Variants in TMEM132D observed in about 807,000 individuals in gnomAD.
The protein encoded by TMEM132D is transmembrane protein 132D.
In TMEM132D, 21 loss-of-function variants were observed where a neutral mutation model predicts 62.3. The observed-to-expected ratio is 0.34, with a 90% CI of 0.24 to 0.49. The LOEUF is 0.49. Among genes scored for constraint, TMEM132D ranks in the 20% least tolerant of loss-of-function variants. The probability of loss-of-function intolerance (pLI) is 0.99; values close to 1 mark genes in which losing one functional copy is unlikely to be tolerated. For synonymous variants in TMEM132D, 621 were observed against 575.6 expected, an observed-to-expected ratio of 1.08 and a Z score of -1.13; for missense variants, 1,346 against 1,402.8, an observed-to-expected ratio of 0.96 and a Z score of 0.65.
chr12:129,161,862 G>A (rs1214631534), intron 5 of TMEM132D, among the ~76,000 whole-genome samples: 2 of 152,276 alleles, frequency 1.3e-5, no homozygotes, highest in African/African-American at 4.8e-5. Flanking sequence ...CTTTGTTGCT[G>A]GGGAGGAGGC....
At chr12:129,608,647 A>T (rs1176194507) in intron 2 of TMEM132D, among the ~76,000 whole-genome samples, 4 of 152,246 alleles carry the variant, frequency 2.6e-5, no homozygotes, top group African/African-American at 9.6e-5. Flanking sequence ...CATATTCCGT[A>T]GAAAAGCAGG....
chr12:129,099,661 G>A (rs944546889), intron 5 of TMEM132D, among the ~76,000 whole-genome samples: 4 of 152,132 alleles, frequency 2.6e-5, no homozygotes, highest in African/African-American at 9.7e-5. Context: ...GCAGTCTGCA[G>A]GAAAATGAAG....
In TMEM132D at chr12:129,903,119, G is replaced by T; in HGVS notation, c.79+142C>A. 1 of 896,682 alleles carries T rather than the reference G, an allele frequency of 1.1e-6. No individual in the cohort carries two copies. Among genetic ancestry groups the T allele is most frequent in the Non-Finnish European group, 1.7e-6 (1 of 585,666 alleles). 55.5% of individuals were successfully genotyped at this position (896,682 alleles called of 1,614,324 possible). On this transcript the variant is annotated intron_variant, in intron 1 of 8. Transcript: ENST00000422113. The surrounding 1 kb of genome is among the most constrained non-coding windows in gnomAD (Gnocchi z 6.2). ...GCCGCACGAGCGCACGTTCACACGC[G>T]CGCACACACACATGCACACAAGCGC...
At position 129,903,893 on chromosome 12, in the gene TMEM132D, C is replaced by T. The variant is rs904750819; in HGVS notation, c.-554G>A. The stretch of plus-strand genomic sequence containing the variant: ...CCCCATCCCAGGCCGGCCGCTGCGC[C>T]TCGGGGCTCGGGCGCGCGCGCGCTC... On this transcript the variant is annotated 5_prime_UTR_variant, in exon 1 of 9. Coordinates refer to ENST00000422113, the MANE Select transcript of TMEM132D (RefSeq NM_133448.3). The surrounding 1 kb of genome is among the most constrained non-coding windows in gnomAD (Gnocchi z 6.2). Among the ~76,000 whole-genome samples, 3 of 147,098 alleles carry T rather than the reference C, an allele frequency of 2.0e-5. No individual in the cohort carries two copies. Among genetic ancestry groups the T allele is most frequent in the African/African-American group, 7.3e-5 (3 of 40,952 alleles).
chr12:129,288,158 G>T (rs1470493046), intron 4 of TMEM132D, among the ~76,000 whole-genome samples: 1 of 152,152 alleles, frequency 6.6e-6, no homozygotes, highest in East Asian at 1.9e-4. Context: ...TAGGGGAAAA[G>T]CTCCATGACA....
chr12:129,589,178 T>A (rs756148434), intron 2 of TMEM132D, among the ~76,000 whole-genome samples: 1 of 152,154 alleles, frequency 6.6e-6, no homozygotes, highest in African/African-American at 2.4e-5. Context: ...TGGGAGATAA[T>A]GGAATCATGG....
chr12:129,244,242 C>T lies in TMEM132D; in HGVS notation c.1300-34579G>A, dbSNP rs112869351. Among the ~76,000 whole-genome samples the T allele has an allele frequency of 1.1e-3, 160 of 151,374 alleles. 1 individual carries two copies. The highest frequency in any genetic ancestry group is 6.8e-3 in the Middle Eastern group (2 of 294). On this transcript the variant is annotated intron_variant, in intron 4 of 8. Coordinates refer to ENST00000422113, the MANE Select transcript of TMEM132D (RefSeq NM_133448.3). Reference sequence around the variant, plus strand: ...CTACTAAAAATACAAAAAAATTAGCCGGGTGTGGTGGCGGGCGCCTGTAGT... The same window carrying T: ...CTACTAAAAATACAAAAAAATTAGCTGGGTGTGGTGGCGGGCGCCTGTAGT...
intron 2 of TMEM132D, among the ~76,000 whole-genome samples, chr12:129,576,509 T>C (rs991080748): frequency 4.0e-5 from 6 of 151,824 alleles, no homozygotes; most frequent in Admixed American, 6.6e-5. Context: ...TACATAAATA[T>C]ATACACATAT....
At chr12:129,441,913 G>A (rs994515947) in intron 3 of TMEM132D, among the ~76,000 whole-genome samples, 6 of 152,256 alleles carry the variant, frequency 3.9e-5, no homozygotes, top group Middle Eastern at 3.4e-3. Context: ...GCATGTTCTC[G>A]CTTATGAGAG....
intron 1 of TMEM132D, among the ~76,000 whole-genome samples, chr12:129,716,130 G>C (rs935626784): frequency 6.6e-6 from 1 of 152,182 alleles, no homozygotes; most frequent in Non-Finnish European, 1.5e-5. Flanking sequence ...AGAATCTGGG[G>C]GAATTTCAGG....
chr12:129,625,789 T>A (rs1186972037), intron 2 of TMEM132D, among the ~76,000 whole-genome samples: 2 of 152,224 alleles, frequency 1.3e-5, no homozygotes, highest in African/African-American at 2.4e-5. Flanking sequence ...AGGATTTTTT[T>A]AAACTCCCTA....
intron 3 of TMEM132D, among the ~76,000 whole-genome samples, chr12:129,524,148 G>A (rs565340289): frequency 6.6e-6 from 1 of 151,752 alleles, no homozygotes; most frequent in African/African-American, 2.4e-5. Context: ...GAGTTGATGG[G>A]TGCAGCACAC....
intron 2 of TMEM132D, among the ~76,000 whole-genome samples, chr12:129,671,701 A>T (rs632642): frequency 1 from 151,550 of 152,240 alleles, 75,438 homozygotes; most frequent in Non-Finnish European, 1. Context: ...AGACACAGGC[A>T]GAGTGGGAGC....
chr12:129,470,353 G>T (rs1384358820), intron 3 of TMEM132D, among the ~76,000 whole-genome samples: 1 of 152,178 alleles, frequency 6.6e-6, no homozygotes, highest in African/African-American at 2.4e-5. Flanking sequence ...GGTCAGTTAT[G>T]TTAGGCAACT....
At chr12:129,160,098 T>C (rs1391609140) in intron 5 of TMEM132D, among the ~76,000 whole-genome samples, 2 of 152,206 alleles carry the variant, frequency 1.3e-5, no homozygotes, top group South Asian at 2.1e-4. Flanking sequence ...GGGCTGCAAA[T>C]CACTTATCTC....
At chr12:129,173,760 T>A (rs532890755) in intron 5 of TMEM132D, among the ~76,000 whole-genome samples, 1 of 152,184 alleles carries the variant, frequency 6.6e-6, no homozygotes, top group Non-Finnish European at 1.5e-5. Flanking sequence ...AACTTTATTT[T>A]TGTGAATATC....
chr12:129,532,164 T>G (rs751749281), intron 2 of TMEM132D, among the ~76,000 whole-genome samples: 4 of 152,248 alleles, frequency 2.6e-5, no homozygotes, highest in Non-Finnish European at 2.9e-5. Context: ...TTTCCTGCTG[T>G]GTTTTCTCTT....
At chr12:129,668,302 C>A (rs1353117792) in intron 2 of TMEM132D, among the ~76,000 whole-genome samples, 1 of 149,598 alleles carries the variant, frequency 6.7e-6, no homozygotes. Flanking sequence ...AGGACACACA[C>A]TAATTATAAT....
At chr12:129,171,027 T>C (rs1187550979) in intron 5 of TMEM132D, among the ~76,000 whole-genome samples, 4 of 152,334 alleles carry the variant, frequency 2.6e-5, no homozygotes, top group Admixed American at 6.5e-5. Flanking sequence ...ATGACTTCTC[T>C]GTAGCATGCG....
Sources: allele counts gnomAD v4.1 joint callset (sites outside exome capture counted in the v4.1 genomes callset), GRCh38; gene constraint gnomAD v4.1.1; non-coding constraint Gnocchi (gnomAD v3.1); transcripts MANE v1.5; gene names NCBI Gene and HGNC (gene_info 2026-07-23, HGNC 2026-07-21).